The following LASP1 variants were observed in gnomAD, a reference collection of about 807,000 sequenced individuals.
LASP1 encodes LIM and SH3 protein 1.
Under a neutral mutation model 38.6 loss-of-function variants are expected in LASP1, and 10 were observed. The observed-to-expected ratio is 0.26, with a 90% CI of 0.16 to 0.44. The LOEUF is 0.44. Among genes scored for constraint, LASP1 ranks in the 20% least tolerant of loss-of-function variants. The pLI, the probability that LASP1 is intolerant of heterozygous loss-of-function variation, is 1.00. For missense variants in LASP1, 243 were observed against 375.7 expected (o/e 0.65, Z 2.92); for synonymous variants, 132 against 140.8 (o/e 0.94, Z 0.44).
chr17:38,914,325 A>T lies in LASP1; in HGVS notation c.358A>T (p.Ile120Leu), dbSNP rs1395862785. Residue 120 changes from isoleucine (I) to leucine (L), a missense_variant and splice_region_variant, in exon 5 of 7, where the codon ATA (isoleucine) becomes TTA (leucine). Around this residue, in one of 4 missense-constraint regions of LASP1, gnomAD observed 2 missense variants for 17.3 expected, o/e 0.12. Coordinates refer to ENST00000318008, the MANE Select transcript of LASP1 (RefSeq NM_006148.4). ...CACCTAGTGCCTTCTGACCTTGCAGATAAAATACCATGAGGAGTTTGAGAA... is the reference window on the plus strand; with the variant it reads ...CACCTAGTGCCTTCTGACCTTGCAGTTAAAATACCATGAGGAGTTTGAGAA... ...IKKTQDQISN[I>L]KYHEEFEKSR... The T allele has an allele frequency of 1.9e-6, 3 of 1,606,786 alleles. No homozygotes were observed. Among genetic ancestry groups the T allele is most frequent in the Non-Finnish European group, 2.5e-6 (3 of 1,177,486 alleles).
intron 5 of LASP1, 74 bp downstream of exon 5, chr17:38,914,549 A>G: frequency 6.7e-7 from 1 of 1,496,998 alleles, no homozygotes; most frequent in Non-Finnish European, 9.0e-7. Context: ...AGGAGAAGAC[A>G]GACAGACAGA....
intron 3 of LASP1, among the ~76,000 whole-genome samples, chr17:38,894,946 C>T (rs1455233877): frequency 1.3e-5 from 2 of 152,010 alleles, no homozygotes; most frequent in Non-Finnish European, 2.9e-5. Context: ...TCATGTTGCC[C>T]AGGCTTGTTT....
At chr17:38,873,659 G>A (rs1913673580) in intron 1 of LASP1, among the ~76,000 whole-genome samples, 1 of 152,234 alleles carries the variant, frequency 6.6e-6, no homozygotes, top group Non-Finnish European at 1.5e-5. Flanking sequence ...GGGCCACTGG[G>A]AATAATCCTG....
intron 2 of LASP1, among the ~76,000 whole-genome samples, chr17:38,878,661 C>G (rs1016071657): frequency 2.6e-5 from 4 of 152,084 alleles, no homozygotes; most frequent in African/African-American, 9.7e-5. Context: ...CTGGGTACTT[C>G]TAGGCTTTGG....
intron 5 of LASP1, 23 bp from the exon 6 acceptor site, chr17:38,915,020 C>A: frequency 1.2e-6 from 2 of 1,609,800 alleles, no homozygotes; most frequent in South Asian, 2.2e-5. Flanking sequence ...AGTTTCCAAG[C>A]CCTGTCTCCT....
intron 3 of LASP1, among the ~76,000 whole-genome samples, chr17:38,892,294 C>T (rs1914351351): frequency 6.6e-6 from 1 of 152,160 alleles, no homozygotes; most frequent in Non-Finnish European, 1.5e-5. Context: ...GCTGCACAGC[C>T]CTGGTAGGGC....
intron 3 of LASP1, among the ~76,000 whole-genome samples, chr17:38,893,351 A>C (rs894008411): frequency 6.6e-6 from 1 of 152,188 alleles, no homozygotes; most frequent in Non-Finnish European, 1.5e-5. Context: ...GCTCTGGGTG[A>C]GGCCCAAGAA....
At chr17:38,905,594 A>G (rs186802222) in intron 4 of LASP1, among the ~76,000 whole-genome samples, 132 of 151,100 alleles carry the variant, frequency 8.7e-4, no homozygotes, top group African/African-American at 3.2e-3. Flanking sequence ...ACTATTTTCC[A>G]AGTGGCTGCA....
chr17:38,902,812 TC>T (rs769476497), intron 4 of LASP1, among the ~76,000 whole-genome samples: 15 of 152,210 alleles, frequency 9.9e-5, no homozygotes, highest in East Asian at 7.7e-4. Context: ...AAGCGATTCT[TC>T]TGCCTCAGCC....
intron 1 of LASP1, among the ~76,000 whole-genome samples, chr17:38,875,337 T>C (rs1052411639): frequency 1.3e-5 from 2 of 151,080 alleles, no homozygotes; most frequent in Non-Finnish European, 3.0e-5. Context: ...TTAGTGTCCC[T>C]GGTGGGTTCT....
intron 2 of LASP1, among the ~76,000 whole-genome samples, chr17:38,879,161 C>CTTTTTTTTTTTTT (rs55952948): frequency 8.1e-6 from 1 of 123,712 alleles, no homozygotes; most frequent in Non-Finnish European, 1.6e-5. Context: ...TTTTAATTTG[C>CTTTTTTTTTTTTT]TTTTTTTTTT....
chr17:38,912,214 C>T (rs1914973205), intron 4 of LASP1, among the ~76,000 whole-genome samples: 1 of 152,256 alleles, frequency 6.6e-6, no homozygotes, highest in African/African-American at 2.4e-5. Flanking sequence ...TCCCCTGTCC[C>T]ATATGGGCCC....
At chr17:38,894,919 G>T (rs1454071674) in intron 3 of LASP1, among the ~76,000 whole-genome samples, 2 of 151,876 alleles carry the variant, frequency 1.3e-5, no homozygotes, top group Non-Finnish European at 2.9e-5. Flanking sequence ...TGTATTTTTA[G>T]TAGAGACAGG....
chr17:38,894,138 G>A (rs548042097), intron 3 of LASP1, among the ~76,000 whole-genome samples: 2 of 152,184 alleles, frequency 1.3e-5, no homozygotes, highest in East Asian at 3.9e-4. Context: ...GGGGCTGGCA[G>A]CTGGACCCCC....
At chr17:38,912,812 A>G (rs76432645) in intron 4 of LASP1, among the ~76,000 whole-genome samples, 354 of 152,264 alleles carry the variant, frequency 2.3e-3, no homozygotes, top group Non-Finnish European at 4.0e-3. Flanking sequence ...ATTTCTCTCT[A>G]ACTCAGTTGG....
At chr17:38,889,576 A>C (rs1914245936) in intron 2 of LASP1, among the ~76,000 whole-genome samples, 1 of 152,222 alleles carries the variant, frequency 6.6e-6, no homozygotes, top group Admixed American at 6.5e-5. Context: ...CATAGGTCAA[A>C]AAGCAGTCAA....
chr17:38,880,007 T>C (rs1913895720), intron 2 of LASP1, among the ~76,000 whole-genome samples: 1 of 151,848 alleles, frequency 6.6e-6, no homozygotes, highest in Non-Finnish European at 1.5e-5. Context: ...CTCTTCCCCC[T>C]ACCAACCCCT....
intron 2 of LASP1, among the ~76,000 whole-genome samples, chr17:38,883,959 G>T (rs1914030997): frequency 6.6e-6 from 1 of 151,732 alleles, no homozygotes; most frequent in African/African-American, 2.4e-5. Flanking sequence ...CCGCCTGTGG[G>T]CAGCCTTCCC....
chr17:38,887,768 T>A (rs1914184786), intron 2 of LASP1, among the ~76,000 whole-genome samples: 1 of 152,182 alleles, frequency 6.6e-6, no homozygotes, highest in Non-Finnish European at 1.5e-5. Flanking sequence ...CCTGTCAAGT[T>A]ATGCTCCTTT....
Sources: gnomAD v4.1 joint callset for allele counts (sites outside exome capture counted in the v4.1 genomes callset) on GRCh38, gnomAD v4.1.1 for gene constraint, gnomAD v4.1.1 regional missense constraint, MANE v1.5 for transcripts, NCBI Gene and HGNC (gene_info 2026-07-23, HGNC 2026-07-21) for gene names.